The following CEP63 variants were observed in gnomAD, a reference collection of about 807,000 sequenced individuals.
The protein encoded by CEP63 is centrosomal protein of 63 kDa.
Under a neutral mutation model 89.1 loss-of-function variants are expected in CEP63, and 84 were observed. That is an observed-to-expected ratio of 0.94 (90% CI 0.79 to 1.13). The LOEUF (loss-of-function observed/expected upper bound fraction) is 1.13, where lower values mean the gene tolerates loss of function less well. Among genes scored for constraint, CEP63 ranks in the 50% most tolerant of loss-of-function variants. CEP63 has a pLI of 0.00. For synonymous variants in CEP63, 267 were observed against 272.5 expected (o/e 0.98, Z 0.20); for missense variants, 838 against 813.3 (o/e 1.03, Z -0.37).
chr3:134,595,811 C>G, the CEP63 span, among the ~76,000 whole-genome samples: 3 of 152,272 alleles, frequency 2.0e-5, no homozygotes, highest in African/African-American at 7.2e-5. Context: ...AGGGGCTCCT[C>G]TTCAGAGGAT....
At chr3:134,620,609 G>T in the CEP63 span, 1 of 632,074 alleles carries the variant, frequency 1.6e-6, no homozygotes, top group Non-Finnish European at 2.9e-6. Flanking sequence ...TTACTCTCTG[G>T]TTCATCAGTC....
intron 6 of CEP63, 88 bp downstream of exon 6, chr3:134,537,356 A>G (rs1304624404): frequency 6.0e-6 from 5 of 826,794 alleles, no homozygotes; most frequent in East Asian, 2.6e-5. Context: ...AGTACCATTT[A>G]GCCTCTTTCA....
chr3:134,548,970 T>C, intron 9 of CEP63, 92 bp from the exon 10 acceptor site: 1 of 763,362 alleles, frequency 1.3e-6, no homozygotes. Flanking sequence ...TGGCTGGATA[T>C]TTTTTGGATA....
the CEP63 span, among the ~76,000 whole-genome samples, chr3:134,724,000 G>C: frequency 6.6e-6 from 1 of 152,200 alleles, no homozygotes; most frequent in Non-Finnish European, 1.5e-5. Flanking sequence ...TGGGTGACAT[G>C]AAAATCCAGT....
the CEP63 span, among the ~76,000 whole-genome samples, chr3:134,659,372 C>A: frequency 3.3e-5 from 5 of 152,198 alleles, no homozygotes; most frequent in African/African-American, 1.2e-4. Flanking sequence ...CAGTCACCTC[C>A]TTCTGTGCAG....
At chr3:134,598,764 C>T in the CEP63 span, among the ~76,000 whole-genome samples, 1 of 152,146 alleles carries the variant, frequency 6.6e-6, no homozygotes, top group Non-Finnish European at 1.5e-5. Flanking sequence ...GAACTGGGGA[C>T]CCAGGAGGAG....
chr3:134,638,710 C>T, the CEP63 span, among the ~76,000 whole-genome samples: 4 of 152,254 alleles, frequency 2.6e-5, no homozygotes, highest in African/African-American at 9.6e-5. Flanking sequence ...ATGCTTACTG[C>T]CCTGCCTTTC....
chr3:134,702,394 A>G, the CEP63 span, among the ~76,000 whole-genome samples: 1 of 152,116 alleles, frequency 6.6e-6, no homozygotes, highest in Non-Finnish European at 1.5e-5. Flanking sequence ...ACCAAAAAAA[A>G]AAAAACAGCC....
At chr3:134,584,956 G>GTTTTTTTTTTTTTT (rs780691730) in intron 10 of CEP63, among the ~76,000 whole-genome samples, 51 of 35,982 alleles carry the variant, frequency 1.4e-3, no homozygotes, top group African/African-American at 3.1e-3. Context: ...ATTTTCTAGG[G>GTTTTTTTTTTTTTT]TTTTTTTTTT....
the CEP63 span, among the ~76,000 whole-genome samples, chr3:134,639,322 A>C: frequency 6.6e-6 from 1 of 152,238 alleles, no homozygotes; most frequent in South Asian, 2.1e-4. Flanking sequence ...ACTGCCAAAC[A>C]CAGCATGAAA....
At chr3:134,593,515 C>T in the CEP63 span, among the ~76,000 whole-genome samples, 44 of 152,236 alleles carry the variant, frequency 2.9e-4, no homozygotes, top group South Asian at 7.9e-3. Flanking sequence ...GGTGTGTGCT[C>T]TTAGCTGGCA....
Position 134,486,103 on chromosome 3 carries a change from A to C in CEP63, c.-125A>C. 1 of 985,332 alleles carries C rather than the reference A, an allele frequency of 1.0e-6. No individual in the cohort carries two copies. The highest frequency in any genetic ancestry group is 1.7e-5 in the African/African-American group (1 of 57,240). 61.0% of individuals were successfully genotyped at this position (985,332 alleles called of 1,614,324 possible). A position where few individuals can be genotyped will look rare whatever the true frequency, so the allele number is the denominator to read the frequency against. On this transcript the variant is annotated 5_prime_UTR_variant, in exon 1 of 15. Transcript: ENST00000675561. ...GGAAGTCTGGAGAAGGCATTGTTTCAATTATTAAAAGTGTGGGGGCAGTGG... is the reference window on the plus strand; with the variant it reads ...GGAAGTCTGGAGAAGGCATTGTTTCCATTATTAAAAGTGTGGGGGCAGTGG...
At chr3:134,655,008 T>G in the CEP63 span, among the ~76,000 whole-genome samples, 1 of 152,208 alleles carries the variant, frequency 6.6e-6, no homozygotes, top group East Asian at 1.9e-4. Context: ...GCAAACCTGT[T>G]TCCAGACACT....
At chr3:134,692,455 T>G in the CEP63 span, among the ~76,000 whole-genome samples, 1 of 152,182 alleles carries the variant, frequency 6.6e-6, no homozygotes, top group Non-Finnish European at 1.5e-5. Flanking sequence ...TCCTTTTTTA[T>G]GGCTGCATAG....
the CEP63 span, among the ~76,000 whole-genome samples, chr3:134,696,729 TATA>T: frequency 6.6e-6 from 1 of 152,222 alleles, no homozygotes; most frequent in Non-Finnish European, 1.5e-5. Context: ...TATGCGTGTG[TATA>T]ATATTGAGTA....
the CEP63 span, among the ~76,000 whole-genome samples, chr3:134,626,048 G>A: frequency 6.6e-6 from 1 of 152,236 alleles, no homozygotes; most frequent in Non-Finnish European, 1.5e-5. Context: ...CCCCTGTCCC[G>A]GCCCAGAAGA....
chr3:134,771,738 A>G, the CEP63 span, among the ~76,000 whole-genome samples: 1 of 152,218 alleles, frequency 6.6e-6, no homozygotes, highest in Non-Finnish European at 1.5e-5. Flanking sequence ...ATACCTATGT[A>G]ACAAACCCAC....
chr3:134,646,884 A>T, the CEP63 span, among the ~76,000 whole-genome samples: 1 of 152,156 alleles, frequency 6.6e-6, no homozygotes, highest in Non-Finnish European at 1.5e-5. Context: ...AATAAAGCCC[A>T]TTATACTTGG....
chr3:134,561,381 C>A lies in CEP63; in HGVS notation c.1958C>A (p.Ser653Tyr). 6.2e-7 allele frequency: 1 copy of A among 1,613,584 alleles called. No homozygotes were observed. Among genetic ancestry groups the A allele is most frequent in the Non-Finnish European group, 8.5e-7 (1 of 1,179,614 alleles). ...NDQEEFISSC[S>Y]LPVSPLGSIA... ...CAAAATTTGTGTCTCTTCCAGTGTT[C>A]CTTGCCTGTATCTCCCCTTGGTTCA... The change falls in exon 15 of 15, where the codon TCC becomes TAC. Residue 653 changes from serine to tyrosine, a missense_variant. Coordinates refer to ENST00000675561, the MANE Select transcript of CEP63 (RefSeq NM_001353108.3).
Sources: gnomAD v4.1 joint callset for allele counts (sites outside exome capture counted in the v4.1 genomes callset) on GRCh38, gnomAD v4.1.1 for gene constraint, MANE v1.5 for transcripts, NCBI Gene and HGNC (gene_info 2026-07-23, HGNC 2026-07-21) for gene names.